TAFA2: variants seen among roughly 807,000 people sequenced by gnomAD.
The protein encoded by TAFA2 is TAFA chemokine like family member 2, also known as chemokine-like protein TAFA-2.
A neutral mutation model predicts 18.8 loss-of-function variants in TAFA2; 7 were observed. The observed-to-expected ratio is 0.37, with a 90% CI of 0.21 to 0.70. The LOEUF (loss-of-function observed/expected upper bound fraction) is 0.70, where lower values mean the gene tolerates loss of function less well. Among genes scored for constraint, TAFA2 ranks in the 30% least tolerant of loss-of-function variants. The probability of loss-of-function intolerance (pLI) is 0.53; values close to 1 mark genes in which losing one functional copy is unlikely to be tolerated. For missense variants in TAFA2, 122 were observed against 158.1 expected (o/e 0.77, Z 1.23); for synonymous variants, 60 against 54.2 (o/e 1.11, Z -0.47).
chr12:61,920,287 T>C (rs1185521538), intron 1 of TAFA2, among the ~76,000 whole-genome samples: 2 of 152,158 alleles, frequency 1.3e-5, no homozygotes, highest in Non-Finnish European at 2.9e-5. Context: ...TGAGAATTAA[T>C]AGATGCAGAA....
intron 1 of TAFA2, among the ~76,000 whole-genome samples, chr12:62,090,551 T>C (rs2136833324): frequency 6.6e-6 from 1 of 152,108 alleles, no homozygotes; most frequent in African/African-American, 2.4e-5. Context: ...ATAAGCCATT[T>C]TCCTTTGGCA....
At chr12:62,251,764 T>C (rs2062915081) in intron 1 of TAFA2, among the ~76,000 whole-genome samples, 1 of 152,206 alleles carries the variant, frequency 6.6e-6, no homozygotes, top group Non-Finnish European at 1.5e-5. Context: ...CAATTAGTTA[T>C]TGCACACTGG....
chr12:61,833,989 T>C (rs1304308670), intron 2 of TAFA2, among the ~76,000 whole-genome samples: 1 of 152,036 alleles, frequency 6.6e-6, no homozygotes. Context: ...CAAGCCAAGG[T>C]TGGTCTCTAA....
chr12:62,187,981 A>G (rs1231486923), intron 1 of TAFA2, among the ~76,000 whole-genome samples: 1 of 152,246 alleles, frequency 6.6e-6, no homozygotes, highest in Non-Finnish European at 1.5e-5. Context: ...TCACCATATT[A>G]CATGGCATTA....
intron 1 of TAFA2, among the ~76,000 whole-genome samples, chr12:61,979,107 C>T (rs1879540367): frequency 6.6e-6 from 1 of 152,074 alleles, no homozygotes; most frequent in South Asian, 2.1e-4. Context: ...CTGCAGATAA[C>T]GTCATGTTAC....
chr12:61,994,658 C>T (rs1880123372), intron 1 of TAFA2, among the ~76,000 whole-genome samples: 1 of 152,128 alleles, frequency 6.6e-6, no homozygotes, highest in Non-Finnish European at 1.5e-5. Flanking sequence ...CCAATGATCT[C>T]CATCTTTTCA....
At chr12:61,759,488 T>A (rs1199778741) in intron 2 of TAFA2, among the ~76,000 whole-genome samples, 1 of 151,954 alleles carries the variant, frequency 6.6e-6, no homozygotes, top group East Asian at 1.9e-4. Context: ...GGAGGCCACA[T>A]CAATCTGAAT....
chr12:61,854,721 G>C (rs1179290876), intron 2 of TAFA2, among the ~76,000 whole-genome samples: 1 of 152,046 alleles, frequency 6.6e-6, no homozygotes, highest in Non-Finnish European at 1.5e-5. Context: ...TCCCTCCATA[G>C]AATTCCATAC....
chr12:62,080,697 A>T (rs1444484524), intron 1 of TAFA2, among the ~76,000 whole-genome samples: 1 of 152,196 alleles, frequency 6.6e-6, no homozygotes, highest in Non-Finnish European at 1.5e-5. Context: ...TTTGTAAAAC[A>T]ATGATTGCCA....
chr12:62,118,262 G>A (rs1870045447), intron 1 of TAFA2, among the ~76,000 whole-genome samples: 1 of 151,836 alleles, frequency 6.6e-6, no homozygotes, highest in Non-Finnish European at 1.5e-5. Context: ...TGCTATTTTT[G>A]TGCAGTATTA....
intron 2 of TAFA2, among the ~76,000 whole-genome samples, chr12:61,863,615 C>CT: frequency 6.6e-6 from 1 of 152,190 alleles, no homozygotes; most frequent in East Asian, 1.9e-4. Flanking sequence ...CCTGAATAAG[C>CT]TTTGCCTGGA....
intron 2 of TAFA2, among the ~76,000 whole-genome samples, chr12:61,813,044 A>C (rs919798747): frequency 2.6e-5 from 4 of 151,570 alleles, no homozygotes; most frequent in African/African-American, 9.8e-5. Context: ...TGTGTAACCC[A>C]CTGTTTAAAC....
At chr12:62,073,780 C>T (rs1882694181) in intron 1 of TAFA2, among the ~76,000 whole-genome samples, 3 of 152,172 alleles carry the variant, frequency 2.0e-5, no homozygotes, top group Admixed American at 2.0e-4. Flanking sequence ...CATAAACTGA[C>T]AGGCCATGAA....
chr12:62,031,225 T>C (rs1236803028), intron 1 of TAFA2, among the ~76,000 whole-genome samples: 3 of 151,968 alleles, frequency 2.0e-5, no homozygotes, highest in African/African-American at 7.2e-5. Context: ...GGCAGACCCA[T>C]CCTTAATCTG....
At chr12:61,738,009 ACT>A (rs972896267) in intron 4 of TAFA2, among the ~76,000 whole-genome samples, 23 of 152,168 alleles carry the variant, frequency 1.5e-4, no homozygotes, top group African/African-American at 5.1e-4. Flanking sequence ...GTTAAAATGT[ACT>A]GAGGTCCAAA....
intron 1 of TAFA2, among the ~76,000 whole-genome samples, chr12:62,033,209 G>A (rs186152278): frequency 4.5e-4 from 69 of 152,220 alleles, no homozygotes; most frequent in African/African-American, 1.5e-3. Context: ...TACCCTTCCT[G>A]TGTCACCTTA....
At chr12:61,998,716 T>C (rs1313748677) in intron 1 of TAFA2, among the ~76,000 whole-genome samples, 2 of 152,202 alleles carry the variant, frequency 1.3e-5, no homozygotes, top group Non-Finnish European at 2.9e-5. Context: ...TGTAATGTAC[T>C]ATACAGATGG....
chr12:62,063,361 C>T (rs1882402489), intron 1 of TAFA2, among the ~76,000 whole-genome samples: 1 of 152,160 alleles, frequency 6.6e-6, no homozygotes, highest in Non-Finnish European at 1.5e-5. Context: ...TATCTATCTA[C>T]TCAGAGTTAT....
At chr12:61,884,643 A>G (rs1257049753) in intron 1 of TAFA2, among the ~76,000 whole-genome samples, 1 of 152,180 alleles carries the variant, frequency 6.6e-6, no homozygotes, top group Non-Finnish European at 1.5e-5. Flanking sequence ...TTTGTTTCAG[A>G]AAGACCTTCA....
Sources: gnomAD v4.1 joint callset for allele counts (sites outside exome capture counted in the v4.1 genomes callset) on GRCh38, gnomAD v4.1.1 for gene constraint, MANE v1.5 for transcripts, NCBI Gene and HGNC (gene_info 2026-07-23, HGNC 2026-07-21) for gene names.